The following LGALS14 variants were observed in gnomAD, a reference collection of about 807,000 sequenced individuals.
LGALS14 encodes placental protein 13-like.
LGALS14 carries 14 observed loss-of-function variants against 14.6 expected under a neutral mutation model. The ratio of observed to expected loss-of-function variants is 0.96; its 90% CI spans 0.64 to 1.50. The LOEUF (loss-of-function observed/expected upper bound fraction) is 1.50. Ranked by LOEUF, LGALS14 falls within the 40% of genes most tolerant of loss-of-function variation. The pLI, the probability that LGALS14 is intolerant of heterozygous loss-of-function variation, is 0.00. For synonymous variants in LGALS14, 57 were observed against 63.9 expected (o/e 0.89, Z 0.51); for missense variants, 180 against 172.0 (o/e 1.05, Z -0.26).
At chr19:39,709,052 A>G in intron 3 of LGALS14, 145 bp from the exon 4 acceptor site, 1 of 675,164 alleles carries the variant, frequency 1.5e-6, no homozygotes, top group South Asian at 1.7e-5. Flanking sequence ...ATAGCCTGTA[A>G]AATCACAGAA....
intron 2 of LGALS14, 128 bp downstream of exon 2, chr19:39,706,801 G>T: frequency 1.2e-6 from 1 of 807,858 alleles, no homozygotes; most frequent in Non-Finnish European, 2.1e-6. Context: ...TGCAAGTGCA[G>T]GCCCTGGAGA....
intron 3 of LGALS14, 47 bp from the exon 4 acceptor site, chr19:39,709,150 C>T: frequency 8.3e-7 from 1 of 1,199,102 alleles, no homozygotes; most frequent in Non-Finnish European, 1.2e-6. Context: ...GGGCTGAAAA[C>T]CTGTTTGGTG....
At chr19:39,705,351 C>T (rs1973698442) in intron 1 of LGALS14, among the ~76,000 whole-genome samples, 1 of 152,192 alleles carries the variant, frequency 6.6e-6, no homozygotes, top group Admixed American at 6.5e-5. Context: ...GTCGCTAGCC[C>T]AGCCTGTTCT....
At chr19:39,705,654 G>A (rs937638991) in intron 1 of LGALS14, 9 of 381,440 alleles carry the variant, frequency 2.4e-5, no homozygotes, top group South Asian at 1.3e-4. Flanking sequence ...ACCGGTCTAG[G>A]CATCATAGTG....
chr19:39,707,828 G>T (rs1241567086), intron 3 of LGALS14, among the ~76,000 whole-genome samples: 1 of 150,856 alleles, frequency 6.6e-6, no homozygotes, highest in African/African-American at 2.4e-5. Flanking sequence ...TTATTTTTTT[G>T]AGACAGAGTC....
chr19:39,709,323 T>A lies in LGALS14; in HGVS notation c.*10T>A. 7.1e-7 allele frequency: 1 copy of A among 1,418,104 alleles called. No homozygotes were observed. Among genetic ancestry groups the A allele is most frequent in the East Asian group, 2.3e-5 (1 of 43,974 alleles). 87.8% of individuals were successfully genotyped at this position (1,418,104 alleles called of 1,614,324 possible). A position where few individuals can be genotyped will look rare whatever the true frequency, so the allele number is the denominator to read the frequency against. Reference sequence around the variant, plus strand: ...GCTTATCAGCGATTGAGGGAGATGATCAGACTCCTCATTGTTGAGGAATCC... The same window carrying A: ...GCTTATCAGCGATTGAGGGAGATGAACAGACTCCTCATTGTTGAGGAATCC... On this transcript the variant is annotated 3_prime_UTR_variant, in exon 4 of 4. Coordinates refer to ENST00000392052, the MANE Select transcript of LGALS14 (RefSeq NM_020129.3).
At chr19:39,708,827 A>G (rs1165085881) in intron 3 of LGALS14, among the ~76,000 whole-genome samples, 4 of 152,094 alleles carry the variant, frequency 2.6e-5, no homozygotes, top group Admixed American at 2.0e-4. Flanking sequence ...AAAAGTATGC[A>G]TTCAATGAAC....
At position 39,707,112 on chromosome 19, in the gene LGALS14, T is replaced by G; in HGVS notation, c.93-66T>G. ...GGGTAAAGGGGGGAAGGGATTTGTG[T>G]GTGTGGCGAGTGTGTGTCTGCACAA... On this transcript the variant is annotated intron_variant, in intron 2 of 3. Coordinates refer to ENST00000392052, the MANE Select transcript of LGALS14 (RefSeq NM_020129.3). The G allele has an allele frequency of 7.4e-6, 9 of 1,218,866 alleles. No homozygotes were observed. In the South Asian group the frequency reaches 1.1e-4, roughly 15 times the overall value. 75.5% of individuals were successfully genotyped at this position (1,218,866 alleles called of 1,614,324 possible). A position where few individuals can be genotyped will look rare whatever the true frequency, so the allele number is the denominator to read the frequency against.
chr19:39,704,640 C>A, intron 1 of LGALS14, 97 bp downstream of exon 1: 1 of 1,117,304 alleles, frequency 9.0e-7, no homozygotes, highest in Non-Finnish European at 1.3e-6. Flanking sequence ...AGCATTCCTA[C>A]TGTGAATGCA....
chr19:39,707,463 T>A, intron 3 of LGALS14, 75 bp downstream of exon 3: 1 of 1,182,796 alleles, frequency 8.5e-7, no homozygotes, highest in Non-Finnish European at 1.2e-6. Context: ...ATTGACCTGG[T>A]GCCACCAGTC....
chr19:39,706,955 C>T (rs1006877391), intron 2 of LGALS14, among the ~76,000 whole-genome samples: 1 of 152,180 alleles, frequency 6.6e-6, no homozygotes, highest in African/African-American at 2.4e-5. Flanking sequence ...GTCATAGGCC[C>T]ATGTCACTGA....
At chr19:39,706,091 G>A (rs959409859) in intron 1 of LGALS14, 1 of 1,564,322 alleles carries the variant, frequency 6.4e-7, no homozygotes, top group African/African-American at 1.4e-5. Flanking sequence ...TTTCTCACTG[G>A]AGTGAATTTT....
chr19:39,706,622 T>C lies in LGALS14; in HGVS notation c.41T>C (p.Leu14Ser), dbSNP rs1219021763. ...GTACCATACACACTGCCTGTTTCCT[T>C]GCCTGTTGGTTCGTGCGTGATAATC... ...LPVPYTLPVSLPVGSCVIITG... is the reference protein window; with the variant it reads ...LPVPYTLPVSSPVGSCVIITG... Residue 14 changes from leucine (L) to serine (S), a missense_variant, in exon 2 of 4, where the codon TTG becomes TCG. By Grantham distance (145) the Leu-to-Ser change is moderately radical. Transcript: ENST00000392052. 5.0e-6 allele frequency: 8 copies of C among 1,613,938 alleles called. No homozygotes were observed. The highest frequency in any genetic ancestry group is 6.8e-6 in the Non-Finnish European group (8 of 1,179,926).
At position 39,709,186 on chromosome 19, in the gene LGALS14, T is replaced by C. The variant is rs1387409903; in HGVS notation, c.304-11T>C. The C allele has an allele frequency of 1.3e-6, 2 of 1,563,792 alleles. No homozygotes were observed. The highest frequency in any genetic ancestry group is 4.5e-5 in the East Asian group (2 of 44,632). ...GCATGCTGTCTTTCTGATGCATTTT[T>C]CCTCTTGTAGGTAATGGTAAATGGC... is the stretch of plus-strand genomic sequence containing the variant. On this transcript the variant is annotated splice_polypyrimidine_tract_variant and intron_variant, in intron 3 of 3. Coordinates refer to ENST00000392052, the MANE Select transcript of LGALS14 (RefSeq NM_020129.3).
intron 2 of LGALS14, 42 bp downstream of exon 2, chr19:39,706,715 G>T: frequency 6.8e-7 from 1 of 1,480,822 alleles, no homozygotes. Context: ...GAGGAGAGAA[G>T]GGAGAATATT....
Position 39,705,836 on chromosome 19 carries a change from C to A in LGALS14, c.16-761C>A. On this transcript the variant is annotated intron_variant, in intron 1 of 3. Transcript: ENST00000392052. ...TATCAGCCTGGGTGACAGAGCAAGA[C>A]CCTATCTCAAAAATACAGAAAAATC... 7 of 1,590,430 alleles carry A rather than the reference C, an allele frequency of 4.4e-6. No individual in the cohort carries two copies. The South Asian group carries it at 6.7e-5, about 15-fold the overall frequency.
At chr19:39,705,791 G>A in intron 1 of LGALS14, 1 of 1,253,596 alleles carries the variant, frequency 8.0e-7, no homozygotes, top group Non-Finnish European at 1.1e-6. Context: ...GTTTCAGTGA[G>A]CTGTGATTGC....
Position 39,707,338 on chromosome 19 carries a change from G to C in LGALS14, c.253G>C (p.Asp85His), listed in dbSNP as rs758626954. The C allele has an allele frequency of 2.5e-6, 4 of 1,614,004 alleles. No homozygotes were observed. Among genetic ancestry groups the C allele is most frequent in the African/African-American group, 2.7e-5 (2 of 74,926 alleles). ...EEKCYYLPFEDGKPFELCIYV... is the reference protein window; with the variant it reads ...EEKCYYLPFEHGKPFELCIYV... ...GAAATGCTACTATTTACCCTTTGAA[G>C]ATGGCAAACCATTTGAGCTGTGCAT... Residue 85 changes from aspartate to histidine, a missense_variant, in exon 3 of 4, where the codon GAT becomes CAT. By Grantham distance (81) the Asp-to-His change is moderately conservative. Coordinates refer to ENST00000392052, the MANE Select transcript of LGALS14 (RefSeq NM_020129.3).
At chr19:39,705,819 T>A (rs1176993450) in intron 1 of LGALS14, 2 of 1,528,094 alleles carry the variant, frequency 1.3e-6, no homozygotes, top group Non-Finnish European at 1.8e-6. Context: ...CATATCAGCC[T>A]GGGTGACAGA....
Sources: allele counts gnomAD v4.1 joint callset (sites outside exome capture counted in the v4.1 genomes callset), GRCh38; gene constraint gnomAD v4.1.1; transcripts MANE v1.5; gene names NCBI Gene and HGNC (gene_info 2026-07-23, HGNC 2026-07-21).